The following LYPD6B variants were observed in gnomAD, a reference collection of about 807,000 sequenced individuals.
LYPD6B encodes ly6/PLAUR domain-containing protein 6B.
In LYPD6B, 17 loss-of-function variants were observed where a neutral mutation model predicts 22.8. That is an observed-to-expected ratio of 0.75 (90% CI 0.51 to 1.12). LYPD6B has a LOEUF of 1.12. Among genes scored for constraint, LYPD6B ranks in the 50% most tolerant of loss-of-function variants. The probability of loss-of-function intolerance (pLI) is 0.00; values close to 1 mark genes in which losing one functional copy is unlikely to be tolerated. For synonymous variants in LYPD6B, 106 were observed against 91.6 expected (o/e 1.16, Z -0.90); for missense variants, 221 against 258.3 (o/e 0.86, Z 0.99).
intron 1 of LYPD6B, among the ~76,000 whole-genome samples, chr2:149,127,406 A>G (rs1048069250): frequency 3.3e-5 from 5 of 152,204 alleles, no homozygotes; most frequent in African/African-American, 1.2e-4. Context: ...GGACTGCATT[A>G]GTAACCTTTA....
chr2:149,127,169 C>A (rs971655681), intron 1 of LYPD6B, among the ~76,000 whole-genome samples: 4 of 151,316 alleles, frequency 2.6e-5, no homozygotes, highest in African/African-American at 9.7e-5. Context: ...TAGTAATATT[C>A]TATGTCTGAG....
At chr2:149,066,467 G>A (rs1423982937) in intron 1 of LYPD6B, among the ~76,000 whole-genome samples, 3 of 151,680 alleles carry the variant, frequency 2.0e-5, no homozygotes, top group East Asian at 3.9e-4. Context: ...GAGAATGATG[G>A]TTTCCAGCTT....
At position 149,130,932 on chromosome 2, in the gene LYPD6B, T is replaced by A; in HGVS notation, c.-17T>A. 1 of 1,601,538 alleles carries A rather than the reference T, an allele frequency of 6.2e-7. No homozygotes were observed. The highest frequency in any genetic ancestry group is 8.6e-7 in the Non-Finnish European group (1 of 1,168,662). On this transcript the variant is annotated 5_prime_UTR_variant, in exon 2 of 7. Coordinates refer to ENST00000409642, the MANE Select transcript of LYPD6B (RefSeq NM_177964.5). ...TGGCAACCCTCCTGGACTAGGCTGC[T>A]CTTGTTAATCACATGGATGTTGTGA...
At chr2:149,172,394 C>T (rs912190971) in intron 3 of LYPD6B, among the ~76,000 whole-genome samples, 2 of 152,124 alleles carry the variant, frequency 1.3e-5, no homozygotes, top group African/African-American at 4.8e-5. Context: ...GCAGCAGGAT[C>T]TCCTCCTTCA....
At chr2:149,072,923 G>T (rs1376574996) in intron 1 of LYPD6B, among the ~76,000 whole-genome samples, 1 of 152,164 alleles carries the variant, frequency 6.6e-6, no homozygotes, top group African/African-American at 2.4e-5. Context: ...TGCTTTGAAG[G>T]TACTTATGGG....
At chr2:149,153,603 G>A (rs1465371325) in intron 2 of LYPD6B, among the ~76,000 whole-genome samples, 1 of 151,904 alleles carries the variant, frequency 6.6e-6, no homozygotes, top group Non-Finnish European at 1.5e-5. Flanking sequence ...CATGAAACAC[G>A]GTCTCTACTA....
At chr2:149,088,732 G>A (rs1169417023) in intron 1 of LYPD6B, among the ~76,000 whole-genome samples, 1 of 152,184 alleles carries the variant, frequency 6.6e-6, no homozygotes, top group Non-Finnish European at 1.5e-5. Flanking sequence ...TTAGTGGTAG[G>A]ACCATTGTGC....
At chr2:149,097,665 G>A (rs1021000439) in intron 1 of LYPD6B, among the ~76,000 whole-genome samples, 1 of 152,162 alleles carries the variant, frequency 6.6e-6, no homozygotes, top group Non-Finnish European at 1.5e-5. Context: ...GGAAGATAGA[G>A]TAGATGTAAT....
intron 3 of LYPD6B, among the ~76,000 whole-genome samples, chr2:149,173,757 T>G (rs1691037387): frequency 6.6e-6 from 1 of 152,192 alleles, no homozygotes; most frequent in Non-Finnish European, 1.5e-5. Context: ...AACTAATCAC[T>G]TCCTTTTTTT....
At chr2:149,041,995 C>A (rs1460823803) in intron 1 of LYPD6B, among the ~76,000 whole-genome samples, 1 of 152,160 alleles carries the variant, frequency 6.6e-6, no homozygotes, top group African/African-American at 2.4e-5. Context: ...GTTTGAAAAG[C>A]CTCACATATG....
intron 2 of LYPD6B, among the ~76,000 whole-genome samples, chr2:149,157,808 A>G (rs372551594): frequency 1.3e-5 from 2 of 152,204 alleles, no homozygotes; most frequent in African/African-American, 4.8e-5. Flanking sequence ...CCTTATTTAT[A>G]TACCCTAGAA....
chr2:149,160,827 C>T lies in LYPD6B; in HGVS notation c.69C>T (p.Ser23=). 1 of 1,552,066 alleles carries T rather than the reference C, an allele frequency of 6.4e-7. No individual in the cohort carries two copies. Among genetic ancestry groups the T allele is most frequent in the Non-Finnish European group, 8.7e-7 (1 of 1,146,538 alleles). The change falls in exon 3 of 7, where the codon TCC becomes TCT. Residue 23 remains serine, a synonymous_variant. Transcript: ENST00000409642. The part of the protein sequence containing the change: ...VPERSLTTTF[S]FSRYKSSDRP... ...AGAGGAGCCTGACAACCACATTCTC[C>T]TTCTCAAGGTAAGAATGGCAGCTGT...
intron 1 of LYPD6B, among the ~76,000 whole-genome samples, chr2:149,045,917 G>C (rs1344916345): frequency 6.6e-6 from 1 of 152,078 alleles, no homozygotes; most frequent in Admixed American, 6.5e-5. Context: ...TTGCTTGATA[G>C]GGTTGTTCAG....
intron 3 of LYPD6B, among the ~76,000 whole-genome samples, chr2:149,162,812 C>T (rs894602468): frequency 1.3e-5 from 2 of 151,978 alleles, no homozygotes; most frequent in Non-Finnish European, 2.9e-5. Context: ...TCGTTTCTTG[C>T]GCTTTTGCCT....
At chr2:149,091,886 C>T (rs1685669318) in intron 1 of LYPD6B, among the ~76,000 whole-genome samples, 1 of 152,072 alleles carries the variant, frequency 6.6e-6, no homozygotes, top group Admixed American at 6.6e-5. Flanking sequence ...TTGAGGACTA[C>T]TGCTATAGAT....
At chr2:149,140,758 C>T (rs1688646497) in intron 2 of LYPD6B, among the ~76,000 whole-genome samples, 1 of 152,176 alleles carries the variant, frequency 6.6e-6, no homozygotes. Flanking sequence ...CCACAAAATC[C>T]AGCATCGTGG....
At chr2:149,121,488 A>C (rs567028288) in intron 1 of LYPD6B, among the ~76,000 whole-genome samples, 1 of 152,286 alleles carries the variant, frequency 6.6e-6, no homozygotes, top group Admixed American at 6.5e-5. Flanking sequence ...AGAACACAGA[A>C]TTCACCCCAT....
intron 1 of LYPD6B, among the ~76,000 whole-genome samples, chr2:149,058,289 G>T (rs1230752609): frequency 6.6e-6 from 1 of 152,244 alleles, no homozygotes; most frequent in Non-Finnish European, 1.5e-5. Flanking sequence ...AATGGGAGCA[G>T]TCTCAGTTTC....
rs146755648 is a variant in LYPD6B, at chr2:149,133,495, T to C, written c.5+2542T>C. Reference sequence around the variant, plus strand: ...TCAAGATCACAACTAGGCATTGGTATTGATTTCTCCTCCCTTTGGGAATAT... The same window carrying C: ...TCAAGATCACAACTAGGCATTGGTACTGATTTCTCCTCCCTTTGGGAATAT... On this transcript the variant is annotated intron_variant, in intron 2 of 6. Transcript: ENST00000409642. 2.8e-3 allele frequency among the ~76,000 whole-genome samples: 433 copies of C among 152,346 alleles called. 2 individuals carry two copies. Among genetic ancestry groups the C allele is most frequent in the Middle Eastern group, 0.02 (6 of 294 alleles).
Sources: allele counts gnomAD v4.1 joint callset (sites outside exome capture counted in the v4.1 genomes callset), GRCh38; gene constraint gnomAD v4.1.1; transcripts MANE v1.5; gene names NCBI Gene and HGNC (gene_info 2026-07-23, HGNC 2026-07-21).